The following CHN2 variants were observed in gnomAD, a reference collection of about 807,000 sequenced individuals.
The protein encoded by CHN2 is beta-chimaerin.
A neutral mutation model predicts 56.3 loss-of-function variants in CHN2; 35 were observed. That is an observed-to-expected ratio of 0.62 (90% CI 0.47 to 0.82). The LOEUF (loss-of-function observed/expected upper bound fraction) is 0.82. CHN2 is among the 40% of genes least tolerant of loss of function. The probability of loss-of-function intolerance (pLI) is 0.00; values close to 1 mark genes in which losing one functional copy is unlikely to be tolerated. For synonymous variants in CHN2, 210 were observed against 212.8 expected, an observed-to-expected ratio of 0.99 and a Z score of 0.12; for missense variants, 491 against 580.5, an observed-to-expected ratio of 0.85 and a Z score of 1.58.
chr7:29,186,562 T>TGAAAG (rs143140699), intron 2 of CHN2: 9 of 130,352 alleles, frequency 6.9e-5, no homozygotes, highest in Non-Finnish European at 1.3e-4. Flanking sequence ...GTGACAGAGA[T>TGAAAG]GAAAGGAAAG....
chr7:29,405,161 CCATACA>C (rs1208649589), intron 6 of CHN2, among the ~76,000 whole-genome samples: 2 of 49,810 alleles, frequency 4.0e-5, no homozygotes, highest in Admixed American at 2.4e-4. Flanking sequence ...GCTTATGTCA[CCATACA>C]CACACACACA....
At chr7:29,218,633 A>C (rs930032896) in intron 1 of CHN2, among the ~76,000 whole-genome samples, 1 of 152,216 alleles carries the variant, frequency 6.6e-6, no homozygotes, top group African/African-American at 2.4e-5. Flanking sequence ...ATAAAAAATG[A>C]TGAGCTCATG....
Position 29,352,196 on chromosome 7 carries a change from T to C in CHN2, c.50-2429T>C, listed in dbSNP as rs1299433661. On this transcript the variant is annotated intron_variant, in intron 1 of 12. Transcript: ENST00000222792. ...TCTGTCTTGAGACCTTCCCCGAGTA[T>C]ATAGAAGGCGGTGCTCTAGATACTG... Among the ~76,000 whole-genome samples, 4 of 152,154 alleles carry C rather than the reference T, an allele frequency of 2.6e-5. No individual in the cohort carries two copies. The South Asian group carries it at 8.3e-4, about 32-fold the overall frequency.
intron 1 of CHN2, among the ~76,000 whole-genome samples, chr7:29,350,779 G>A (rs951090350): frequency 3.3e-5 from 5 of 152,134 alleles, no homozygotes; most frequent in African/African-American, 4.8e-5. Flanking sequence ...TTGACCGGAC[G>A]TTGTCCCAAG....
chr7:29,350,072 G>A (rs1797760320), intron 1 of CHN2, among the ~76,000 whole-genome samples: 1 of 152,122 alleles, frequency 6.6e-6, no homozygotes, highest in Admixed American at 6.6e-5. Flanking sequence ...AAGAATTCAA[G>A]TAACATATAT....
At chr7:29,401,012 G>T in intron 6 of CHN2, 184 bp downstream of exon 6, 1 of 620,406 alleles carries the variant, frequency 1.6e-6, no homozygotes, top group South Asian at 2.0e-5. Flanking sequence ...GGTGGCTCAT[G>T]CCTGTAATCT....
At chr7:29,375,662 A>G (rs775794592) in intron 3 of CHN2, among the ~76,000 whole-genome samples, 2 of 152,240 alleles carry the variant, frequency 1.3e-5, no homozygotes, top group Non-Finnish European at 2.9e-5. Context: ...CTGGAACCCA[A>G]GATCCCATTA....
intron 1 of CHN2, among the ~76,000 whole-genome samples, chr7:29,213,929 A>G (rs185126083): frequency 1.3e-5 from 2 of 152,332 alleles, no homozygotes; most frequent in East Asian, 3.9e-4. Context: ...TTGTGCATAC[A>G]TTCACACAAG....
At chr7:29,343,207 A>G (rs1465686933) in intron 1 of CHN2, among the ~76,000 whole-genome samples, 2 of 152,164 alleles carry the variant, frequency 1.3e-5, no homozygotes, top group Middle Eastern at 3.2e-3. Flanking sequence ...AAGTGTGTGA[A>G]TAATAAAAGA....
intron 2 of CHN2, among the ~76,000 whole-genome samples, chr7:29,171,379 T>C (rs1196204143): frequency 1.3e-5 from 2 of 152,194 alleles, no homozygotes; most frequent in East Asian, 1.9e-4. Flanking sequence ...ATAATACATA[T>C]GTAATGGAAT....
At chr7:29,200,876 C>T (rs1418423436) in intron 1 of CHN2, 3 of 152,176 alleles carry the variant, frequency 2.0e-5, no homozygotes, top group Non-Finnish European at 2.9e-5. Flanking sequence ...GGGCCTGAAG[C>T]TGAAGAATTG....
At chr7:29,420,953 G>T (rs1465876325) in intron 6 of CHN2, among the ~76,000 whole-genome samples, 1 of 151,938 alleles carries the variant, frequency 6.6e-6, no homozygotes, top group Non-Finnish European at 1.5e-5. Context: ...AGGATTATAG[G>T]CACCCACCAC....
chr7:29,494,866 T>A (rs1465549204), intron 7 of CHN2, among the ~76,000 whole-genome samples: 1 of 149,862 alleles, frequency 6.7e-6, no homozygotes, highest in Admixed American at 6.8e-5. Flanking sequence ...GGCTCTTTTT[T>A]TCTTAAGCAG....
chr7:29,502,459 G>GT (rs1790071344), intron 9 of CHN2, among the ~76,000 whole-genome samples: 1 of 152,178 alleles, frequency 6.6e-6, no homozygotes, highest in Admixed American at 6.5e-5. Context: ...ATGGGCCAGA[G>GT]TTTAATGGCC....
intron 6 of CHN2, among the ~76,000 whole-genome samples, chr7:29,425,597 T>G (rs1475933208): frequency 1.3e-5 from 2 of 152,192 alleles, no homozygotes; most frequent in African/African-American, 4.8e-5. Flanking sequence ...TCTAGGAACT[T>G]TAGACCTAAC....
At position 29,194,935 on chromosome 7, in the gene CHN2, C is replaced by T; in HGVS notation, c.-7C>T. On this transcript the variant is annotated 5_prime_UTR_variant, in exon 1 of 13. Coordinates refer to ENST00000222792, the MANE Select transcript of CHN2 (RefSeq NM_004067.4). ...TGAGCGAGCAGCGACGCGAGGGGCG[C>T]GCGGAGATGGCAGCGTCCAGCAACT... The T allele has an allele frequency of 6.4e-7, 1 of 1,566,696 alleles. No homozygotes were observed. Among genetic ancestry groups the T allele is most frequent in the East Asian group, 2.5e-5 (1 of 39,266 alleles).
intron 1 of CHN2, among the ~76,000 whole-genome samples, chr7:29,304,979 G>T (rs910974682): frequency 6.6e-6 from 1 of 152,158 alleles, no homozygotes; most frequent in Non-Finnish European, 1.5e-5. Context: ...TCTGTTTCCC[G>T]TGAACCAGAT....
intron 2 of CHN2, among the ~76,000 whole-genome samples, chr7:29,363,446 C>G (rs1798890206): frequency 6.6e-6 from 1 of 152,214 alleles, no homozygotes; most frequent in South Asian, 2.1e-4. Flanking sequence ...GATTGTGCCA[C>G]TGCACTCTAG....
chr7:29,356,529 A>G (rs938516190), intron 2 of CHN2, among the ~76,000 whole-genome samples: 1 of 152,184 alleles, frequency 6.6e-6, no homozygotes, highest in Non-Finnish European at 1.5e-5. Context: ...CTGATTGTTT[A>G]AAAGTGCATG....
Sources: allele counts gnomAD v4.1 joint callset (sites outside exome capture counted in the v4.1 genomes callset), GRCh38; gene constraint gnomAD v4.1.1; transcripts MANE v1.5; gene names NCBI Gene and HGNC (gene_info 2026-07-23, HGNC 2026-07-21).